Variants in IGF2BP1 observed in about 807,000 individuals in gnomAD.
The protein encoded by IGF2BP1 is insulin-like growth factor 2 mRNA-binding protein 1.
A neutral mutation model predicts 74.9 loss-of-function variants in IGF2BP1; 11 were observed. The observed-to-expected ratio is 0.15, with a 90% confidence interval of 0.09 to 0.24. The LOEUF (loss-of-function observed/expected upper bound fraction) is 0.24, where lower values mean the gene tolerates loss of function less well. IGF2BP1 is among the 10% of genes least tolerant of loss of function. IGF2BP1 has a pLI of 1.00. For missense variants in IGF2BP1, 440 were observed against 757.4 expected (o/e 0.58, Z 4.92); for synonymous variants, 287 against 281.8 (o/e 1.02, Z -0.18).
intron 5 of IGF2BP1, among the ~76,000 whole-genome samples, chr17:49,032,675 T>G (rs544870833): frequency 6.2e-4 from 95 of 152,346 alleles, no homozygotes; most frequent in Non-Finnish European, 9.8e-4. Context: ...AAATCCTACC[T>G]CTTCTTCAAA....
chr17:49,043,663 A>C, intron 10 of IGF2BP1, 113 bp downstream of exon 10: 1 of 1,329,072 alleles, frequency 7.5e-7, no homozygotes, highest in Non-Finnish European at 1.0e-6. Flanking sequence ...GGGAGAGGGA[A>C]GGAAGGTCTC....
chr17:49,026,771 A>G (rs974842340), intron 4 of IGF2BP1, among the ~76,000 whole-genome samples: 4 of 143,386 alleles, frequency 2.8e-5, no homozygotes, highest in Admixed American at 7.1e-5. Context: ...CTTCCTGTCT[A>G]TCTTGCTCTG....
At chr17:49,042,406 T>A in intron 9 of IGF2BP1, 29 bp downstream of exon 9, 1 of 1,613,744 alleles carries the variant, frequency 6.2e-7, no homozygotes, top group Non-Finnish European at 8.5e-7. Context: ...CCTCTGCTTA[T>A]CCTTTCCTGA....
chr17:49,043,650 G>T, intron 10 of IGF2BP1, 100 bp downstream of exon 10: 1 of 1,422,282 alleles, frequency 7.0e-7, no homozygotes, highest in South Asian at 1.3e-5. Flanking sequence ...TGGCAAGTTT[G>T]CAGGGAGAGG....
Position 49,052,852 on chromosome 17 carries a change from T to C in IGF2BP1, c.*3408T>C, listed in dbSNP as rs148558839. The C allele has an allele frequency of 7.2e-5, 11 of 152,706 alleles. No individual in the cohort carries two copies. In the East Asian group the frequency reaches 1.5e-3, roughly 21 times the overall value. 9.5% of individuals were successfully genotyped at this position (152,706 alleles called of 1,614,324 possible). A position where few individuals can be genotyped will look rare whatever the true frequency, so the allele number is the denominator to read the frequency against. On this transcript the variant is annotated 3_prime_UTR_variant, in exon 15 of 15. Transcript: ENST00000290341. ...TATATGTGTGTGTGTGTGCTACATATATATTTTTAAGAAAGGACCATCTCT... is the reference window on the plus strand; with the variant it reads ...TATATGTGTGTGTGTGTGCTACATACATATTTTTAAGAAAGGACCATCTCT...
chr17:49,027,187 C>T (rs377162490), intron 4 of IGF2BP1, among the ~76,000 whole-genome samples: 1 of 152,312 alleles, frequency 6.6e-6, no homozygotes, highest in East Asian at 1.9e-4. Context: ...AACTGGGTTT[C>T]TCTTCTGTTT....
At chr17:49,046,510 G>T (rs892378919) in intron 14 of IGF2BP1, 137 bp downstream of exon 14, 7 of 626,186 alleles carry the variant, frequency 1.1e-5, no homozygotes, top group Admixed American at 1.1e-4. Context: ...TCTAGGCTAG[G>T]TTATTGCCCT....
Position 49,043,563 on chromosome 17 carries a change from T to G in IGF2BP1, c.1200+13T>G. The G allele has an allele frequency of 6.2e-7, 1 of 1,613,304 alleles. No individual in the cohort carries two copies. The highest frequency in any genetic ancestry group is 8.5e-7 in the Non-Finnish European group (1 of 1,179,426). On this transcript the variant is annotated intron_variant, in intron 10 of 14. Transcript: ENST00000290341. Reference sequence around the variant, plus strand: ...TAGCTCCTTTATGGTAGGTGGAAGATCTTATTACACGGGATCCCTGGGCCC... The same window carrying G: ...TAGCTCCTTTATGGTAGGTGGAAGAGCTTATTACACGGGATCCCTGGGCCC...
At chr17:48,997,157 C>T (rs2041413667), upstream of IGF2BP1, among the ~76,000 whole-genome samples, 1 of 151,802 alleles carries the variant, frequency 6.6e-6, no homozygotes, top group Non-Finnish European at 1.5e-5. This position sits in a 1 kb window ranked among gnomAD's most constrained non-coding sequence, Gnocchi z 4.8. Flanking sequence ...GGGCGCTTCC[C>T]TAGGGGCCAG....
intron 5 of IGF2BP1, among the ~76,000 whole-genome samples, chr17:49,034,390 A>T (rs1306367052): frequency 6.7e-6 from 1 of 149,546 alleles, no homozygotes; most frequent in Admixed American, 6.7e-5. Context: ...AAGTGTTGGG[A>T]TTACAGGCAT....
chr17:49,025,792 ATCCTTTCTTTC>A (rs2041845527), intron 3 of IGF2BP1, 126 bp downstream of exon 3: 1 of 637,802 alleles, frequency 1.6e-6, no homozygotes, highest in African/African-American at 1.9e-5. Context: ...CCTGGGTCTC[ATCCTTTCTTTC>A]TTTTTTTCTT....
intron 2 of IGF2BP1, chr17:49,014,677 GGGAGA>G: frequency 2.9e-6 from 2 of 681,450 alleles, no homozygotes; most frequent in Non-Finnish European, 3.6e-6. Flanking sequence ...GGCAGCTAGG[GGGAGA>G]CGCGGATCCC....
Position 49,055,792 on chromosome 17 carries a change from A to T in IGF2BP1, c.*6348A>T. 3 of 311,656 alleles carry T rather than the reference A, an allele frequency of 9.6e-6. No individual in the cohort carries two copies. Among genetic ancestry groups the T allele is most frequent in the Non-Finnish European group, 1.7e-5 (3 of 171,688 alleles). 19.3% of individuals were successfully genotyped at this position (311,656 alleles called of 1,614,324 possible). ...TCAGAAGAGGGAACGATGTATTTTG[A>T]TGAGTGCAAATTGGGAAGAGCTGGA... On this transcript the variant is annotated 3_prime_UTR_variant, in exon 15 of 15. Coordinates refer to ENST00000290341, the MANE Select transcript of IGF2BP1 (RefSeq NM_006546.4).
chr17:49,000,101 A>G (rs906858204), intron 2 of IGF2BP1, among the ~76,000 whole-genome samples: 5 of 152,128 alleles, frequency 3.3e-5, no homozygotes, highest in Non-Finnish European at 7.3e-5. Flanking sequence ...GCTGGGAAGT[A>G]TAAGGGCAGA....
At chr17:49,026,365 T>C in intron 3 of IGF2BP1, 101 bp from the exon 4 acceptor site, 1 of 1,004,692 alleles carries the variant, frequency 1.0e-6, no homozygotes, top group South Asian at 1.3e-5. Context: ...CCTATGGCTC[T>C]GTCAATGCCC....
chr17:48,998,167 C>G (rs1205086900), intron 1 of IGF2BP1, among the ~76,000 whole-genome samples: 3 of 152,130 alleles, frequency 2.0e-5, no homozygotes, highest in Non-Finnish European at 2.9e-5. Context: ...TCTGGCTTCC[C>G]CCATCCTTCC....
chr17:49,026,635 G>A, intron 4 of IGF2BP1, 118 bp downstream of exon 4: 1 of 417,866 alleles, frequency 2.4e-6, no homozygotes, highest in Non-Finnish European at 4.0e-6. Flanking sequence ...CTTCCTTCCT[G>A]CCTTCCTTCC....
At chr17:49,047,104 G>C (rs1444056259) in intron 14 of IGF2BP1, among the ~76,000 whole-genome samples, 2 of 152,192 alleles carry the variant, frequency 1.3e-5, no homozygotes, top group African/African-American at 2.4e-5. Context: ...TAGCAGGCTT[G>C]TGGTCTGCTG....
At position 49,026,655 on chromosome 17, in the gene IGF2BP1, T is replaced by TCCTG. The variant is rs1220689431; in HGVS notation, c.337+142_337+145dup. On this transcript the variant is annotated intron_variant, in intron 4 of 14. Coordinates refer to ENST00000290341, the MANE Select transcript of IGF2BP1 (RefSeq NM_006546.4). ...TTCCTGCCTTCCTTCCTGCCTGCCT[T>TCCTG]CCTGCCTTCCTGCCTTCCTTCCTGC... 4.6e-5 allele frequency: 29 copies of TCCTG among 634,644 alleles called. 1 individual carries two copies. Among genetic ancestry groups the TCCTG allele is most frequent in the East Asian group, 1.8e-4 (6 of 34,156 alleles). The allele number at this position is 634,644 out of a possible 1,614,324, so 39.3% of individuals were successfully genotyped here.
Sources: gnomAD v4.1 joint callset for allele counts (sites outside exome capture counted in the v4.1 genomes callset) on GRCh38, gnomAD v4.1.1 for gene constraint, Gnocchi (gnomAD v3.1) non-coding constraint, MANE v1.5 for transcripts, NCBI Gene and HGNC (gene_info 2026-07-23, HGNC 2026-07-21) for gene names.